ASAP1: variants seen among roughly 807,000 people sequenced by gnomAD.
The protein encoded by ASAP1 is arf-GAP with SH3 domain, ANK repeat and PH domain-containing protein 1.
In ASAP1, 43 loss-of-function variants were observed where a neutral mutation model predicts 145.2. The observed-to-expected ratio is 0.30, with a 90% confidence interval of 0.23 to 0.38. The LOEUF (loss-of-function observed/expected upper bound fraction) is 0.38, where lower values mean the gene tolerates loss of function less well. Among genes scored for constraint, ASAP1 ranks in the 10% least tolerant of loss-of-function variants. The pLI, the probability that ASAP1 is intolerant of heterozygous loss-of-function variation, is 1.00. For missense variants in ASAP1, 1,018 were observed against 1,355.3 expected (o/e 0.75, Z 3.91); for synonymous variants, 546 against 515.5 (o/e 1.06, Z -0.80).
At position 130,115,655 on chromosome 8, in the gene ASAP1, A is replaced by AGAT. The variant is rs1564976078; in HGVS notation, c.2144_2145insATC (p.Asp715delinsGluSer). On this transcript the variant is annotated protein_altering_variant, in exon 23 of 30. Transcript: ENST00000518721. Reference sequence around the variant, plus strand: ...TGTCATCCAGATCATCATCGCTCTCATCTATCTCCTCCTGTCGAAGATTCC... The same window carrying AGAT: ...TGTCATCCAGATCATCATCGCTCTCAGATTCTATCTCCTCCTGTCGAAGATTCC... 6.2e-7 allele frequency: 1 copy of AGAT among 1,614,014 alleles called. No individual in the cohort carries two copies. The highest frequency in any genetic ancestry group is 8.5e-7 in the Non-Finnish European group (1 of 1,179,868).
Position 130,060,800 on chromosome 8 carries a change from G to A in ASAP1, c.2971C>T (p.Pro991Ser), listed in dbSNP as rs149161756. ...AGCAGGTCTCCCAGCTGTGGTTTGG[G>A]GGGCAGGTCCTTCATCTGTGGTTTG... The part of the protein sequence containing the change: ...PPKPQMKDLP[P>S]KPQLGDLLAK... The change falls in exon 28 of 30, where the codon CCC becomes TCC. Residue 991 changes from proline to serine, a missense_variant. Pro to Ser is a moderately conservative substitution (Grantham distance 74). Coordinates refer to ENST00000518721, the MANE Select transcript of ASAP1 (RefSeq NM_018482.4). 1.4e-4 allele frequency: 226 copies of A among 1,613,958 alleles called. No individual in the cohort carries two copies. Among genetic ancestry groups the A allele is most frequent in the Non-Finnish European group, 1.9e-4 (221 of 1,180,036 alleles).
intron 27 of ASAP1, among the ~76,000 whole-genome samples, chr8:130,072,800 T>TGC (rs2097450238): frequency 2.6e-5 from 1 of 38,186 alleles, no homozygotes; most frequent in Non-Finnish European, 4.9e-5. Context: ...GATATGTGTG[T>TGC]GTGTGTGTGT....
chr8:130,171,557 C>T (rs1192034725), intron 9 of ASAP1, among the ~76,000 whole-genome samples: 1 of 152,174 alleles, frequency 6.6e-6, no homozygotes, highest in African/African-American at 2.4e-5. Flanking sequence ...TTAACTCCAC[C>T]TGGTCCTGCC....
chr8:130,185,939 T>C (rs921527423), intron 7 of ASAP1, among the ~76,000 whole-genome samples: 2 of 152,146 alleles, frequency 1.3e-5, no homozygotes, highest in Non-Finnish European at 2.9e-5. Context: ...CTACCTAATA[T>C]TGGTAGTACT....
rs568698640 is a variant in ASAP1 at position 130,437,846 on chromosome 8, G to A, written c.-28+5614C>T. On this transcript the variant is annotated intron_variant, in intron 1 of 29. Coordinates refer to ENST00000518721, the MANE Select transcript of ASAP1 (RefSeq NM_018482.4). ...CTCCCACCACAGCTGGGGAAGTACT[G>A]ACAGGCACTCTTCTTTATCCCAAAC... Among the ~76,000 whole-genome samples, 70 of 152,286 alleles carry A rather than the reference G, an allele frequency of 4.6e-4. 1 individual carries two copies. Among genetic ancestry groups the A allele is most frequent in the African/African-American group, 1.6e-3 (66 of 41,548 alleles).
chr8:130,209,439 GCA>G (rs929750380), intron 5 of ASAP1, among the ~76,000 whole-genome samples: 1 of 151,900 alleles, frequency 6.6e-6, no homozygotes, highest in African/African-American at 2.4e-5. Context: ...GTTGACATTT[GCA>G]CTGACAGTGT....
rs2135020724 is a variant in ASAP1, at chr8:130,058,091, C to A, written c.3193-15G>T. On this transcript the variant is annotated splice_polypyrimidine_tract_variant and intron_variant, in intron 28 of 29. Coordinates refer to ENST00000518721, the MANE Select transcript of ASAP1 (RefSeq NM_018482.4). Reference sequence around the variant, plus strand: ...TTATTTTTCCCCTTAAAGAAAGAAACTGGGTTTTAATTGAAAGAATGGACT... The same window carrying A: ...TTATTTTTCCCCTTAAAGAAAGAAAATGGGTTTTAATTGAAAGAATGGACT... The A allele has an allele frequency of 6.2e-7, 1 of 1,611,332 alleles. No individual in the cohort carries two copies. The highest frequency in any genetic ancestry group is 2.2e-5 in the East Asian group (1 of 44,794).
intron 5 of ASAP1, among the ~76,000 whole-genome samples, chr8:130,200,577 C>T (rs1048299935): frequency 1.4e-4 from 22 of 151,962 alleles, no homozygotes; most frequent in Non-Finnish European, 2.9e-5. Context: ...TTTAAAAATA[C>T]GAGAAAAAAG....
At position 130,315,693 on chromosome 8, in the gene ASAP1, A is replaced by G. The variant is rs1190250127; in HGVS notation, c.186+42324T>C. 2.0e-5 allele frequency among the ~76,000 whole-genome samples: 3 copies of G among 152,174 alleles called. No homozygotes were observed. In the East Asian group the frequency reaches 5.8e-4, roughly 29 times the overall value. ...TCAATGACAGATATGCCCCCTAGCAATATCTGGTCTACCCAGCTGCAATTT... is the reference window on the plus strand; with the variant it reads ...TCAATGACAGATATGCCCCCTAGCAGTATCTGGTCTACCCAGCTGCAATTT... On this transcript the variant is annotated intron_variant, in intron 3 of 29. Coordinates refer to ENST00000518721, the MANE Select transcript of ASAP1 (RefSeq NM_018482.4).
chr8:130,311,072 C>T lies in ASAP1; in HGVS notation c.186+46945G>A, dbSNP rs73409341. Among the ~76,000 whole-genome samples the T allele has an allele frequency of 6.3e-3, 956 of 152,272 alleles. 8 individuals carry two copies. Among genetic ancestry groups the T allele is most frequent in the African/African-American group, 0.022 (925 of 41,542 alleles). On this transcript the variant is annotated intron_variant, in intron 3 of 29. Coordinates refer to ENST00000518721, the MANE Select transcript of ASAP1 (RefSeq NM_018482.4). ...GGGGAGGACAGCCATTCTATGAGAA[C>T]GCAGTCCAGGGCAGGTTGTCAGAAA...
chr8:130,368,575 T>C (rs114257691), intron 2 of ASAP1, among the ~76,000 whole-genome samples: 2,909 of 152,244 alleles, frequency 0.019, 42 homozygotes, highest in East Asian at 0.056. Flanking sequence ...ATAACAGCAA[T>C]GATGGGTACT....
At chr8:130,107,797 C>T (rs907206564) in intron 24 of ASAP1, among the ~76,000 whole-genome samples, 1 of 152,158 alleles carries the variant, frequency 6.6e-6, no homozygotes, top group Admixed American at 6.5e-5. Context: ...GATCTGCCTG[C>T]CTTGGCCTCC....
intron 13 of ASAP1, 44 bp downstream of exon 13, chr8:130,152,692 G>T: frequency 2.0e-6 from 3 of 1,463,750 alleles, no homozygotes; most frequent in South Asian, 1.2e-5. Flanking sequence ...AATCGTGTTT[G>T]CTTTCTGGCC....
chr8:130,417,103 T>TA (rs1829506949), intron 1 of ASAP1, among the ~76,000 whole-genome samples: 1 of 151,760 alleles, frequency 6.6e-6, no homozygotes, highest in Non-Finnish European at 1.5e-5. Context: ...ACTGCACACA[T>TA]ACACACAGAA....
intron 1 of ASAP1, among the ~76,000 whole-genome samples, chr8:130,410,685 G>A (rs143665108): frequency 2.2e-4 from 33 of 152,344 alleles, no homozygotes; most frequent in Middle Eastern, 3.4e-3. Context: ...TATGCTGAGC[G>A]CAGAGCCATC....
At chr8:130,251,500 C>T (rs1819197495) in intron 3 of ASAP1, among the ~76,000 whole-genome samples, 1 of 152,000 alleles carries the variant, frequency 6.6e-6, no homozygotes, top group Non-Finnish European at 1.5e-5. Flanking sequence ...ATACTATGTA[C>T]ATCAGCTAAA....
chr8:130,261,487 G>A (rs374716830), intron 3 of ASAP1, among the ~76,000 whole-genome samples: 18 of 152,244 alleles, frequency 1.2e-4, no homozygotes, highest in East Asian at 3.9e-4. Context: ...TGGGAGGCTC[G>A]GAAAATACGG....
At chr8:130,296,580 T>G (rs999295171) in intron 3 of ASAP1, among the ~76,000 whole-genome samples, 1 of 151,658 alleles carries the variant, frequency 6.6e-6, no homozygotes, top group Non-Finnish European at 1.5e-5. Flanking sequence ...AGATTTATCA[T>G]TCATTACATG....
intron 1 of ASAP1, among the ~76,000 whole-genome samples, chr8:130,405,501 G>C (rs1246696578): frequency 6.6e-6 from 1 of 152,160 alleles, no homozygotes; most frequent in Non-Finnish European, 1.5e-5. Flanking sequence ...CTGGGGTCGG[G>C]GGGAAGGCCA....
Sources: gnomAD v4.1 joint callset for allele counts (sites outside exome capture counted in the v4.1 genomes callset) on GRCh38, gnomAD v4.1.1 for gene constraint, MANE v1.5 for transcripts, NCBI Gene and HGNC (gene_info 2026-07-23, HGNC 2026-07-21) for gene names.